Variants in SPON1 observed in about 807,000 individuals in gnomAD.
SPON1 encodes spondin 1.
Under a neutral mutation model 111.7 loss-of-function variants are expected in SPON1, and 52 were observed. The observed-to-expected ratio is 0.47, with a 90% CI of 0.37 to 0.59. SPON1 has a LOEUF of 0.59. SPON1 is among the 20% of genes least tolerant of loss of function. SPON1 has a pLI of 0.00. For synonymous variants in SPON1, 410 were observed against 395.8 expected (o/e 1.04, Z -0.43); for missense variants, 957 against 1,068.5 (o/e 0.90, Z 1.46).
intron 1 of SPON1, among the ~76,000 whole-genome samples, chr11:13,982,235 A>C (rs1848150040): frequency 6.6e-6 from 1 of 152,082 alleles, no homozygotes; most frequent in Non-Finnish European, 1.5e-5. Flanking sequence ...GTTTGGTACT[A>C]TCCATGATTT....
intron 6 of SPON1, among the ~76,000 whole-genome samples, chr11:14,195,563 G>A (rs1848391517): frequency 6.6e-6 from 1 of 152,126 alleles, no homozygotes; most frequent in African/African-American, 2.4e-5. Flanking sequence ...GAAATGTCAG[G>A]TCCTATACTT....
chr11:14,133,087 G>A (rs1384919508), intron 5 of SPON1, among the ~76,000 whole-genome samples: 3 of 152,120 alleles, frequency 2.0e-5, no homozygotes, highest in Non-Finnish European at 4.4e-5. Flanking sequence ...TTTCTTTTTT[G>A]TTGTTGCTTT....
intron 3 of SPON1, among the ~76,000 whole-genome samples, chr11:14,044,795 A>G (rs1308181865): frequency 6.6e-6 from 1 of 152,218 alleles, no homozygotes; most frequent in African/African-American, 2.4e-5. Context: ...CACAAATGGT[A>G]TCATGTTATG....
intron 2 of SPON1, among the ~76,000 whole-genome samples, chr11:14,021,904 A>G (rs1403741797): frequency 2.0e-5 from 3 of 152,200 alleles, no homozygotes; most frequent in Non-Finnish European, 4.4e-5. Flanking sequence ...CTTTATTTGT[A>G]AAGAACAAAG....
At chr11:14,176,318 T>C (rs1196979158) in intron 6 of SPON1, among the ~76,000 whole-genome samples, 1 of 152,062 alleles carries the variant, frequency 6.6e-6, no homozygotes, top group African/African-American at 2.4e-5. Context: ...TATTCCAAAC[T>C]ATCCTCCTAT....
Position 14,262,847 on chromosome 11 carries a change from A to G in SPON1, c.2132A>G (p.Gln711Arg), listed in dbSNP as rs782289740. ...GGTGCACCCTGCCCAGAGACTGTGC[A>G]GCGAAAAAAGTGCCGCATCCGAAAA... ...FGGAPCPETVQRKKCRIRKCL... is the reference protein window; with the variant it reads ...FGGAPCPETVRRKKCRIRKCL... The change falls in exon 15 of 16, where the codon CAG becomes CGG. Residue 711 changes from glutamine to arginine, a missense_variant. By Grantham distance (43) the Gln-to-Arg change is conservative. Around this residue, in one of 5 missense-constraint regions of SPON1, gnomAD observed 549 missense variants for 606.2 expected, o/e 0.91. Coordinates refer to ENST00000576479, the MANE Select transcript of SPON1 (RefSeq NM_006108.4). 5.6e-6 allele frequency: 9 copies of G among 1,613,802 alleles called. No individual in the cohort carries two copies. In the Admixed American group the frequency reaches 6.7e-5, roughly 12 times the overall value.
At chr11:14,068,958 A>G (rs1211023999) in intron 3 of SPON1, among the ~76,000 whole-genome samples, 2 of 152,212 alleles carry the variant, frequency 1.3e-5, no homozygotes, top group African/African-American at 4.8e-5. Context: ...TGTCAATATC[A>G]TGGTTGTACA....
chr11:14,084,462 T>G (rs1469163699), intron 5 of SPON1, among the ~76,000 whole-genome samples: 3 of 152,226 alleles, frequency 2.0e-5, no homozygotes, highest in Non-Finnish European at 4.4e-5. Flanking sequence ...TCCATGTCCC[T>G]GCAAAGGACA....
chr11:14,213,169 GA>G, intron 6 of SPON1, among the ~76,000 whole-genome samples: 1 of 152,128 alleles, frequency 6.6e-6, no homozygotes, highest in East Asian at 1.9e-4. Context: ...ACAACAAAAT[GA>G]GCTTTGTTCA....
intron 5 of SPON1, among the ~76,000 whole-genome samples, chr11:14,088,384 T>G (rs1448704204): frequency 5.3e-5 from 8 of 152,216 alleles, no homozygotes; most frequent in Admixed American, 4.6e-4. Context: ...CTCCTTCACT[T>G]ATGAAGCTTA....
At chr11:14,132,437 C>T (rs782121694) in intron 5 of SPON1, among the ~76,000 whole-genome samples, 7 of 152,200 alleles carry the variant, frequency 4.6e-5, no homozygotes, top group Non-Finnish European at 8.8e-5. Context: ...TCTCTGCACT[C>T]GTGCCTTTGG....
chr11:14,143,192 T>C (rs1847677245), intron 6 of SPON1, among the ~76,000 whole-genome samples: 1 of 152,206 alleles, frequency 6.6e-6, no homozygotes, highest in African/African-American at 2.4e-5. Context: ...TCCAATCCAG[T>C]GGCCACCTCT....
intron 1 of SPON1, among the ~76,000 whole-genome samples, chr11:13,972,463 T>G (rs1372751345): frequency 5.3e-5 from 8 of 152,202 alleles, no homozygotes; most frequent in Admixed American, 5.2e-4. Context: ...GGTCCCTGAG[T>G]GATTTATTCA....
chr11:14,098,479 C>G (rs1554924105), intron 5 of SPON1, among the ~76,000 whole-genome samples: 1 of 152,066 alleles, frequency 6.6e-6, no homozygotes, highest in African/African-American at 2.4e-5. Flanking sequence ...ATAAACTATT[C>G]ACAAAGCATT....
chr11:14,194,567 C>CACACACACACACAG (rs150398912), intron 6 of SPON1, among the ~76,000 whole-genome samples: 23 of 139,410 alleles, frequency 1.6e-4, no homozygotes, highest in East Asian at 1.1e-3. Context: ...CACACACACA[C>CACACACACACACAG]GGACTGCCTG....
chr11:14,263,497 TATG>T (rs1296707505), intron 15 of SPON1, among the ~76,000 whole-genome samples: 5 of 151,728 alleles, frequency 3.3e-5, no homozygotes, highest in Non-Finnish European at 5.9e-5. Context: ...CCTGAGACTT[TATG>T]ATTTTTTTTT....
chr11:14,155,016 T>A (rs1467061808), intron 6 of SPON1, among the ~76,000 whole-genome samples: 1 of 152,198 alleles, frequency 6.6e-6, no homozygotes, highest in African/African-American at 2.4e-5. Context: ...AGAGTGCCCT[T>A]TACTCCAGTT....
intron 2 of SPON1, among the ~76,000 whole-genome samples, chr11:14,016,175 A>G (rs1848442746): frequency 6.6e-6 from 1 of 152,032 alleles, no homozygotes; most frequent in South Asian, 2.1e-4. Flanking sequence ...TTTTGGGTAT[A>G]CCCTCCTTTC....
intron 8 of SPON1, among the ~76,000 whole-genome samples, chr11:14,255,061 T>C (rs1849091088): frequency 6.6e-6 from 1 of 152,240 alleles, no homozygotes; most frequent in Admixed American, 6.5e-5. Context: ...ATTTCTCTGA[T>C]ATGATCTATT....
Sources: gnomAD v4.1 joint callset for allele counts (sites outside exome capture counted in the v4.1 genomes callset) on GRCh38, gnomAD v4.1.1 for gene constraint, gnomAD v4.1.1 regional missense constraint, MANE v1.5 for transcripts, NCBI Gene and HGNC (gene_info 2026-07-23, HGNC 2026-07-21) for gene names.